RAPGEF2: variants seen among roughly 807,000 people sequenced by gnomAD.
RAPGEF2 encodes the protein Rap guanine nucleotide exchange factor 2.
A neutral mutation model predicts 186.7 loss-of-function variants in RAPGEF2; 54 were observed. That is an observed-to-expected ratio of 0.29 (90% confidence interval 0.23 to 0.36). The LOEUF is 0.36. Among genes scored for constraint, RAPGEF2 ranks in the 10% least tolerant of loss-of-function variants. The pLI is 1.00. For missense variants in RAPGEF2, 1,532 were observed against 2,045.0 expected (o/e 0.75, Z 4.84); for synonymous variants, 712 against 705.9 (o/e 1.01, Z -0.14).
chr4:159,202,019 T>A (rs1233017846), intron 3 of RAPGEF2, among the ~76,000 whole-genome samples: 1 of 152,202 alleles, frequency 6.6e-6, no homozygotes, highest in East Asian at 1.9e-4. Flanking sequence ...AAGTGACCTT[T>A]CTAAAATAGC....
At chr4:159,232,563 G>T (rs1246447956) in intron 4 of RAPGEF2, among the ~76,000 whole-genome samples, 2 of 152,078 alleles carry the variant, frequency 1.3e-5, no homozygotes, top group Non-Finnish European at 2.9e-5. Context: ...CCATATTTTG[G>T]CTACTGTGAA....
At chr4:159,160,947 T>C (rs1393326262) in intron 1 of RAPGEF2, among the ~76,000 whole-genome samples, 1 of 152,024 alleles carries the variant, frequency 6.6e-6, no homozygotes, top group East Asian at 1.9e-4. Flanking sequence ...ATTAGAAATA[T>C]TAGTGATCAA....
intron 7 of RAPGEF2, among the ~76,000 whole-genome samples, chr4:159,265,539 A>C (rs958845080): frequency 1.3e-5 from 2 of 152,214 alleles, no homozygotes; most frequent in African/African-American, 4.8e-5. Context: ...GACCATGAGC[A>C]TGGTGTAAGT....
At chr4:159,224,231 A>G (rs578076385) in intron 4 of RAPGEF2, among the ~76,000 whole-genome samples, 4 of 152,264 alleles carry the variant, frequency 2.6e-5, no homozygotes, top group Middle Eastern at 6.8e-3. Flanking sequence ...TCCCTTATGT[A>G]TAGGAAATTT....
chr4:159,333,463 C>T (rs1168118026), intron 17 of RAPGEF2, among the ~76,000 whole-genome samples: 1 of 152,140 alleles, frequency 6.6e-6, no homozygotes. Flanking sequence ...GTTTTCCCCT[C>T]TCTCTTCTAT....
In RAPGEF2 at chr4:159,304,466, T is replaced by C. The variant is rs1763045045; in HGVS notation, c.668T>C (p.Ile223Thr). 6.2e-6 allele frequency: 10 copies of C among 1,604,406 alleles called. No individual in the cohort carries two copies. The highest frequency in any genetic ancestry group is 8.5e-6 in the Non-Finnish European group (10 of 1,172,220). ...TCTGGGAGCAGCAGTCTTTCTGATA[T>C]CTACCAGGTAAGAGGATGTTTTCCT... ...SDSGSSSLSD[I>T]YQATESEAGD... The change falls in exon 8 of 30, where the codon ATC (isoleucine) becomes ACC (threonine). Residue 223 changes from isoleucine to threonine, a missense_variant. By Grantham distance (89) the Ile-to-Thr change is moderately conservative. Around this residue, in one of 4 missense-constraint regions of RAPGEF2, gnomAD observed 810 missense variants for 1,210.5 expected, o/e 0.67. Transcript: ENST00000691494.
intron 17 of RAPGEF2, among the ~76,000 whole-genome samples, chr4:159,333,985 T>C (rs1767048050): frequency 6.6e-6 from 1 of 152,200 alleles, no homozygotes; most frequent in Non-Finnish European, 1.5e-5. Context: ...AAATATACTA[T>C]TGATTGGTTG....
intron 1 of RAPGEF2, among the ~76,000 whole-genome samples, chr4:159,140,073 A>G (rs1342558840): frequency 2.0e-5 from 3 of 152,210 alleles, no homozygotes; most frequent in African/African-American, 7.2e-5. Context: ...TGAGTGATAA[A>G]TTGTCTTGAC....
Position 159,276,367 on chromosome 4 carries a change from T to G in RAPGEF2, c.544-27975T>G, listed in dbSNP as rs1256661562. 4.6e-5 allele frequency among the ~76,000 whole-genome samples: 7 copies of G among 152,370 alleles called. 1 individual carries two copies. Among genetic ancestry groups the G allele is most frequent in the African/African-American group, 1.4e-4 (6 of 41,596 alleles). On this transcript the variant is annotated intron_variant, in intron 7 of 29. Transcript: ENST00000691494. ...AAAGATATGGATGCATAGGACTTCC[T>G]ATTTCCTGTTGAAATTAATATCATT...
chr4:159,153,737 C>T (rs1315162426), intron 1 of RAPGEF2, among the ~76,000 whole-genome samples: 1 of 152,138 alleles, frequency 6.6e-6, no homozygotes, highest in Admixed American at 6.5e-5. Flanking sequence ...TGAATCTTTG[C>T]TGTTTCTTTG....
chr4:159,212,548 C>A (rs1025431053), intron 4 of RAPGEF2, among the ~76,000 whole-genome samples: 24 of 152,108 alleles, frequency 1.6e-4, no homozygotes, highest in African/African-American at 5.5e-4. Context: ...CTTCCTTATT[C>A]TGGTTAAAGA....
chr4:159,149,758 C>T (rs1037364681), intron 1 of RAPGEF2, among the ~76,000 whole-genome samples: 2 of 152,050 alleles, frequency 1.3e-5, no homozygotes, highest in African/African-American at 2.4e-5. Context: ...TTGAGACTGT[C>T]CAGTCTGGTA....
rs1219918425 is a variant in RAPGEF2, at chr4:159,104,553, A to AGTGTGT, written c.69+335_69+340dup. Among the ~76,000 whole-genome samples the AGTGTGT allele has an allele frequency of 1.3e-3, 176 of 136,098 alleles. 3 individuals are homozygous for AGTGTGT. Among genetic ancestry groups the AGTGTGT allele is most frequent in the Non-Finnish European group, 1.7e-3 (109 of 64,392 alleles). 89.3% of individuals were successfully genotyped at this position (136,098 alleles called of 152,430 possible). On this transcript the variant is annotated intron_variant, in intron 1 of 29. Coordinates refer to ENST00000691494, the MANE Select transcript of RAPGEF2 (RefSeq NM_001394067.2). ...GAGAGACAGAGAGAGAGAGAGAGAG[A>AGTGTGT]GTGTGTGTGTGTGTGTGTATGTGTG...
At chr4:159,252,767 C>T (rs931905162) in intron 7 of RAPGEF2, among the ~76,000 whole-genome samples, 1 of 152,160 alleles carries the variant, frequency 6.6e-6, no homozygotes, top group East Asian at 1.9e-4. Context: ...TTTCTAGTTG[C>T]AGCAGTTTTC....
chr4:159,237,929 G>A (rs780224721), intron 4 of RAPGEF2, among the ~76,000 whole-genome samples: 2 of 150,924 alleles, frequency 1.3e-5, no homozygotes, highest in African/African-American at 2.4e-5. Context: ...GAGGCAGGAG[G>A]GTTGCTTGAG....
At position 159,299,428 on chromosome 4, in the gene RAPGEF2, A is replaced by AT. The variant is rs201024077; in HGVS notation, c.544-4912dup. 3.2e-3 allele frequency among the ~76,000 whole-genome samples: 454 copies of AT among 141,524 alleles called. 1 individual carries two copies. Among genetic ancestry groups the AT allele is most frequent in the African/African-American group, 0.011 (420 of 37,862 alleles). 92.8% of individuals were successfully genotyped at this position (141,524 alleles called of 152,430 possible). A position where few individuals can be genotyped will look rare whatever the true frequency, so the allele number is the denominator to read the frequency against. On this transcript the variant is annotated intron_variant, in intron 7 of 29. Coordinates refer to ENST00000691494, the MANE Select transcript of RAPGEF2 (RefSeq NM_001394067.2). Reference sequence around the variant, plus strand: ...CTTGGACCATGAAACTCTCTTTTACATTAAAAAAAAAAAAAAGACAGAGAG... The same window carrying AT: ...CTTGGACCATGAAACTCTCTTTTACATTTAAAAAAAAAAAAAAGACAGAGAG...
At chr4:159,215,605 T>C (rs1257702874) in intron 4 of RAPGEF2, among the ~76,000 whole-genome samples, 1 of 152,220 alleles carries the variant, frequency 6.6e-6, no homozygotes, top group Non-Finnish European at 1.5e-5. Flanking sequence ...AATTTTATCA[T>C]AGAAGTCTCA....
intron 3 of RAPGEF2, among the ~76,000 whole-genome samples, chr4:159,209,813 TTTTA>T (rs1750344925): frequency 6.6e-6 from 1 of 152,232 alleles, no homozygotes; most frequent in Admixed American, 6.5e-5. Flanking sequence ...CTATTGCAGT[TTTTA>T]TTTGTTTTTA....
chr4:159,304,265 G>C (rs1170796531), intron 7 of RAPGEF2, 77 bp from the exon 8 acceptor site: 3 of 1,317,450 alleles, frequency 2.3e-6, no homozygotes, highest in Non-Finnish European at 3.2e-6. Flanking sequence ...AATAAAATAT[G>C]ATATTTTAAT....
Sources: gnomAD v4.1 joint callset for allele counts (sites outside exome capture counted in the v4.1 genomes callset) on GRCh38, gnomAD v4.1.1 for gene constraint, gnomAD v4.1.1 regional missense constraint, MANE v1.5 for transcripts, NCBI Gene and HGNC (gene_info 2026-07-23, HGNC 2026-07-21) for gene names.